ARK2C: variants seen among roughly 807,000 people sequenced by gnomAD.
ARK2C encodes the protein arkadia (RNF111) C-terminal like ring finger ubiquitin ligase 2C, also known as E3 ubiquitin-protein ligase ARK2C.
chr18:46,410,928 C>T, the ARK2C span, among the ~76,000 whole-genome samples: 1 of 152,338 alleles, frequency 6.6e-6, no homozygotes, highest in Non-Finnish European at 1.5e-5. Context: ...TCAGACATCT[C>T]CTGGGCACCA....
chr18:46,362,557 G>A, the ARK2C span, among the ~76,000 whole-genome samples: 1 of 152,180 alleles, frequency 6.6e-6, no homozygotes, highest in Non-Finnish European at 1.5e-5. Flanking sequence ...CAGCATAGAA[G>A]CCACCCAAAT....
At chr18:46,424,178 C>A in the ARK2C span, among the ~76,000 whole-genome samples, 2 of 152,200 alleles carry the variant, frequency 1.3e-5, no homozygotes, top group African/African-American at 4.8e-5. Context: ...GGAGGGCTCC[C>A]AAGGGAGTTA....
chr18:46,392,163 G>A, the ARK2C span, among the ~76,000 whole-genome samples: 2 of 151,814 alleles, frequency 1.3e-5, no homozygotes, highest in Non-Finnish European at 2.9e-5. Flanking sequence ...CACCACACAC[G>A]TGTACCACAC....
chr18:46,367,472 C>T, the ARK2C span, among the ~76,000 whole-genome samples: 1 of 152,118 alleles, frequency 6.6e-6, no homozygotes, highest in African/African-American at 2.4e-5. Context: ...TGGTTCTGTT[C>T]ATTTGTGCCA....
the ARK2C span, among the ~76,000 whole-genome samples, chr18:46,447,038 T>G: frequency 6.6e-6 from 1 of 152,220 alleles, no homozygotes; most frequent in East Asian, 1.9e-4. Context: ...TCAGTGCAAT[T>G]CATCAATTAA....
the ARK2C span, among the ~76,000 whole-genome samples, chr18:46,404,551 C>T: frequency 5.9e-5 from 9 of 152,154 alleles, no homozygotes; most frequent in African/African-American, 1.7e-4. Context: ...GTCGGGAGGT[C>T]GAGACCAGCC....
the ARK2C span, among the ~76,000 whole-genome samples, chr18:46,408,995 T>C: frequency 6.6e-6 from 1 of 152,220 alleles, no homozygotes; most frequent in Admixed American, 6.5e-5. Flanking sequence ...GAAAGTTACT[T>C]GACCTCTCTG....
At chr18:46,399,195 T>C in the ARK2C span, among the ~76,000 whole-genome samples, 1 of 152,210 alleles carries the variant, frequency 6.6e-6, no homozygotes, top group African/African-American at 2.4e-5. Context: ...CAGTGAATCC[T>C]TCGAGGAGAA....
chr18:46,335,059 T>A, the ARK2C span: 18 of 152,198 alleles, frequency 1.2e-4, no homozygotes, highest in Admixed American at 1.2e-3. Flanking sequence ...TGTGTGTGTG[T>A]GTGTGTGTCT....
chr18:46,417,323 G>GCAA, the ARK2C span, among the ~76,000 whole-genome samples: 1,099 of 152,284 alleles, frequency 7.2e-3, 6 homozygotes, highest in Non-Finnish European at 9.3e-3. Context: ...AGAGTCAAAG[G>GCAA]CAACATCCTG....
At chr18:46,373,976 G>T in the ARK2C span, among the ~76,000 whole-genome samples, 1 of 152,130 alleles carries the variant, frequency 6.6e-6, no homozygotes, top group Non-Finnish European at 1.5e-5. Flanking sequence ...CCATGCTGTG[G>T]TTCCCATGGT....
chr18:46,358,259 G>A, the ARK2C span, among the ~76,000 whole-genome samples: 1 of 152,170 alleles, frequency 6.6e-6, no homozygotes, highest in African/African-American at 2.4e-5. Flanking sequence ...GGCTGGGGTG[G>A]ACAGGGCAGT....
At chr18:46,381,772 A>C in the ARK2C span, among the ~76,000 whole-genome samples, 1 of 152,118 alleles carries the variant, frequency 6.6e-6, no homozygotes, top group Non-Finnish European at 1.5e-5. Flanking sequence ...TTGAGGCTAC[A>C]GTGAGCTAGG....
the ARK2C span, chr18:46,460,289 A>C: frequency 3.3e-5 from 5 of 152,700 alleles, no homozygotes; most frequent in East Asian, 9.6e-4. Flanking sequence ...GGCTGTAGCA[A>C]CGTCTGTCAG....
the ARK2C span, among the ~76,000 whole-genome samples, chr18:46,374,974 C>G: frequency 2.6e-5 from 4 of 152,122 alleles, no homozygotes; most frequent in South Asian, 8.3e-4. Flanking sequence ...TCCTAAATGT[C>G]CTCTTCAGGT....
At chr18:46,384,499 T>C in the ARK2C span, among the ~76,000 whole-genome samples, 3 of 152,312 alleles carry the variant, frequency 2.0e-5, no homozygotes, top group East Asian at 5.8e-4. Flanking sequence ...TCCCTTGCCC[T>C]TTCCTTGAAT....
the ARK2C span, among the ~76,000 whole-genome samples, chr18:46,404,480 G>A: frequency 2.6e-5 from 4 of 152,086 alleles, no homozygotes; most frequent in Non-Finnish European, 5.9e-5. Context: ...CTGACCAGGC[G>A]TGGTGGCTCA....
the ARK2C span, among the ~76,000 whole-genome samples, chr18:46,383,312 T>A: frequency 6.6e-6 from 1 of 152,140 alleles, no homozygotes; most frequent in African/African-American, 2.4e-5. Flanking sequence ...AAATATCTAG[T>A]GATTTATTTA....
At chr18:46,402,298 T>C in the ARK2C span, among the ~76,000 whole-genome samples, 1 of 151,816 alleles carries the variant, frequency 6.6e-6, no homozygotes, top group Non-Finnish European at 1.5e-5. Context: ...TAAAAACTTG[T>C]ATTTAGTTAA....
Sources: allele counts gnomAD v4.1 joint callset (sites outside exome capture counted in the v4.1 genomes callset), GRCh38; gene constraint gnomAD v4.1.1; transcripts MANE v1.5; gene names NCBI Gene and HGNC (gene_info 2026-07-23, HGNC 2026-07-21).